The following TENM2 variants were observed in gnomAD, a reference collection of about 807,000 sequenced individuals.
The protein encoded by TENM2 is teneurin transmembrane protein 2.
Under a neutral mutation model 245.2 loss-of-function variants are expected in TENM2, and 52 were observed. That is an observed-to-expected ratio of 0.21 (90% confidence interval 0.17 to 0.27). The LOEUF is 0.27. Ranked by LOEUF, TENM2 falls within the 10% of genes least tolerant of loss-of-function variation. The pLI, the probability that TENM2 is intolerant of heterozygous loss-of-function variation, is 1.00. For synonymous variants in TENM2, 1,363 were observed against 1,438.9 expected (o/e 0.95, Z 1.19); for missense variants, 3,046 against 3,666.8 (o/e 0.83, Z 4.37).
chr5:166,991,839 C>A, the TENM2 span, among the ~76,000 whole-genome samples: 2 of 152,094 alleles, frequency 1.3e-5, no homozygotes, highest in African/African-American at 4.8e-5. Flanking sequence ...AACAAATGGA[C>A]CTATTAGTAA....
intron 12 of TENM2, among the ~76,000 whole-genome samples, chr5:168,149,034 T>C (rs1188847403): frequency 1.3e-5 from 2 of 152,076 alleles, no homozygotes; most frequent in Non-Finnish European, 2.9e-5. Context: ...AGTAATAACC[T>C]GGGAGCATGC....
At chr5:167,877,152 A>C (rs1219560092) in intron 3 of TENM2, among the ~76,000 whole-genome samples, 2 of 152,302 alleles carry the variant, frequency 1.3e-5, no homozygotes, top group Non-Finnish European at 2.9e-5. Context: ...GTTAATTAGC[A>C]TATCCCATCC....
At chr5:168,184,366 T>C (rs1044191510) in intron 13 of TENM2, among the ~76,000 whole-genome samples, 1 of 152,178 alleles carries the variant, frequency 6.6e-6, no homozygotes, top group South Asian at 2.1e-4. Flanking sequence ...CCACAGCACC[T>C]GCAGTGATTT....
chr5:168,047,283 T>G, intron 5 of TENM2, 144 bp from the exon 8 acceptor site: 1 of 834,956 alleles, frequency 1.2e-6, no homozygotes, highest in Admixed American at 2.2e-5. Flanking sequence ...TGTATTTAGC[T>G]AATCCCTGTG....
chr5:167,528,056 G>A (rs1288604115), intron 2 of TENM2, among the ~76,000 whole-genome samples: 1 of 152,096 alleles, frequency 6.6e-6, no homozygotes, highest in Non-Finnish European at 1.5e-5. Context: ...TTTGATAGCT[G>A]TATAAAGTCA....
the TENM2 span, among the ~76,000 whole-genome samples, chr5:167,212,044 A>G: frequency 1.3e-5 from 2 of 152,158 alleles, no homozygotes; most frequent in African/African-American, 4.8e-5. Flanking sequence ...AGCGTTTCTC[A>G]TAGTTTCAGA....
chr5:167,555,170 G>A (rs572364853), intron 2 of TENM2, among the ~76,000 whole-genome samples: 1 of 152,214 alleles, frequency 6.6e-6, no homozygotes, highest in South Asian at 2.1e-4. Context: ...AGCATTTGCA[G>A]CTCTGTCTAC....
chr5:167,438,139 C>A lies in TENM2; in HGVS notation c.502+62666C>A, dbSNP rs117475745. 1.3e-3 allele frequency among the ~76,000 whole-genome samples: 194 copies of A among 152,278 alleles called. 1 individual carries two copies. In the East Asian group the frequency reaches 0.036, roughly 28 times the overall value. ...ATAATCCAGGTTAATTTGTAATCTG[C>A]TTTCAATCCATCTTTCCGACTTTAG... On this transcript the variant is annotated intron_variant, in intron 2 of 28. Coordinates refer to ENST00000518659, the Ensembl canonical transcript of TENM2.
chr5:166,988,923 C>T, the TENM2 span, among the ~76,000 whole-genome samples: 1 of 152,218 alleles, frequency 6.6e-6, no homozygotes, highest in African/African-American at 2.4e-5. Context: ...GAGTGTCCAA[C>T]TCCCTTTCTA....
chr5:167,083,014 C>CA, the TENM2 span, among the ~76,000 whole-genome samples: 3,722 of 143,162 alleles, frequency 0.026, 43 homozygotes, highest in African/African-American at 0.03. Context: ...ATGAAATTGG[C>CA]AAAAAAAAAA....
At chr5:167,126,609 A>C in the TENM2 span, among the ~76,000 whole-genome samples, 1 of 152,228 alleles carries the variant, frequency 6.6e-6, no homozygotes, top group African/African-American at 2.4e-5. Flanking sequence ...TGATAGCAAG[A>C]ATGCTAATGG....
the TENM2 span, among the ~76,000 whole-genome samples, chr5:167,272,290 G>A: frequency 6.6e-6 from 1 of 152,264 alleles, no homozygotes; most frequent in South Asian, 2.1e-4. Context: ...GGTTGACTTA[G>A]TAGTTCTGCT....
chr5:167,557,676 G>A (rs1451027197), intron 2 of TENM2, among the ~76,000 whole-genome samples: 2 of 152,156 alleles, frequency 1.3e-5, no homozygotes, highest in Non-Finnish European at 2.9e-5. Context: ...CCCAGTAGGG[G>A]GGTGATTCTG....
intron 12 of TENM2, among the ~76,000 whole-genome samples, chr5:168,152,457 G>A (rs140829790): frequency 3.9e-5 from 6 of 152,260 alleles, no homozygotes; most frequent in South Asian, 2.1e-4. Context: ...TAACAAGTCC[G>A]TGCCCACAGG....
At chr5:167,596,382 G>T (rs1321902886) in intron 2 of TENM2, among the ~76,000 whole-genome samples, 4 of 152,060 alleles carry the variant, frequency 2.6e-5, no homozygotes, top group African/African-American at 9.7e-5. Flanking sequence ...TCCCCCCCAA[G>T]GACCTCCCTA....
At chr5:167,055,379 T>G in the TENM2 span, among the ~76,000 whole-genome samples, 1 of 152,126 alleles carries the variant, frequency 6.6e-6, no homozygotes, top group African/African-American at 2.4e-5. Flanking sequence ...CTGGGTTATT[T>G]ATTCTGTCCC....
At chr5:168,096,769 A>G (rs1312482093) in intron 8 of TENM2, among the ~76,000 whole-genome samples, 1 of 152,202 alleles carries the variant, frequency 6.6e-6, no homozygotes, top group African/African-American at 2.4e-5. Context: ...ATATAACATC[A>G]CATTTTGAGA....
the TENM2 span, among the ~76,000 whole-genome samples, chr5:167,271,869 G>A: frequency 6.6e-6 from 1 of 152,142 alleles, no homozygotes; most frequent in Non-Finnish European, 1.5e-5. Context: ...TGGCACAAGG[G>A]AACAGGAAGC....
rs369962829 is a variant in TENM2 at position 167,458,554 on chromosome 5, TCAAA to T, written c.502+83085_502+83088del. 6.3e-3 allele frequency among the ~76,000 whole-genome samples: 926 copies of T among 147,974 alleles called. 7 individuals are homozygous for T. Among genetic ancestry groups the T allele is most frequent in the African/African-American group, 0.022 (878 of 40,408 alleles). Reference sequence around the variant, plus strand: ...TATAATGCTGAGTGATTTCAAAATGTCAAACAAGTGAAAAGGATTTTTATGGCCA... The same window carrying T: ...TATAATGCTGAGTGATTTCAAAATGTCAAGTGAAAAGGATTTTTATGGCCA... On this transcript the variant is annotated intron_variant, in intron 2 of 28. Transcript: ENST00000518659.
Sources: gnomAD v4.1 joint callset for allele counts (sites outside exome capture counted in the v4.1 genomes callset) on GRCh38, gnomAD v4.1.1 for gene constraint, MANE v1.5 for transcripts, NCBI Gene and HGNC (gene_info 2026-07-23, HGNC 2026-07-21) for gene names.